The following DLGAP2 variants were observed in gnomAD, a reference collection of about 807,000 sequenced individuals.
The protein encoded by DLGAP2 is DLG associated protein 2.
In DLGAP2, 26 loss-of-function variants were observed where a neutral mutation model predicts 100.3. That is an observed-to-expected ratio of 0.26 (90% CI 0.19 to 0.36). DLGAP2 has a LOEUF of 0.36. DLGAP2 is among the 10% of genes least tolerant of loss of function. The pLI, the probability that DLGAP2 is intolerant of heterozygous loss-of-function variation, is 1.00. For synonymous variants in DLGAP2, 886 were observed against 630.1 expected, an observed-to-expected ratio of 1.41 and a Z score of -6.08; for missense variants, 1,858 against 1,453.2, an observed-to-expected ratio of 1.28 and a Z score of -4.53.
intron 2 of DLGAP2, among the ~76,000 whole-genome samples, chr8:967,415 C>T (rs556997719): frequency 4.7e-4 from 71 of 152,264 alleles, no homozygotes; most frequent in African/African-American, 1.7e-3. Flanking sequence ...TATTCTTACT[C>T]ATTTGATTCT....
At chr8:1,474,946 C>T (rs1798891919) in intron 3 of DLGAP2, among the ~76,000 whole-genome samples, 2 of 152,192 alleles carry the variant, frequency 1.3e-5, no homozygotes. Flanking sequence ...GACATCACAG[C>T]ACTATTCGCA....
At chr8:791,312 C>G (rs1822020687) in intron 1 of DLGAP2, among the ~76,000 whole-genome samples, 1 of 152,220 alleles carries the variant, frequency 6.6e-6, no homozygotes, top group Non-Finnish European at 1.5e-5. Flanking sequence ...GTGGCTCCCT[C>G]CACAGAGAAG....
At chr8:1,497,736 G>A (rs1239538318) in intron 3 of DLGAP2, among the ~76,000 whole-genome samples, 1 of 152,236 alleles carries the variant, frequency 6.6e-6, no homozygotes, top group Non-Finnish European at 1.5e-5. Flanking sequence ...GGGTGGGAAC[G>A]TGGTAGAAGT....
chr8:1,376,876 A>G (rs1471004198), intron 3 of DLGAP2, among the ~76,000 whole-genome samples: 1 of 152,330 alleles, frequency 6.6e-6, no homozygotes, highest in East Asian at 1.9e-4. Flanking sequence ...CGGGTAGGAA[A>G]TGGCCTCAGA....
At chr8:1,182,999 CTGGA>C (rs1797423781) in intron 2 of DLGAP2, among the ~76,000 whole-genome samples, 3 of 152,196 alleles carry the variant, frequency 2.0e-5, no homozygotes, top group Admixed American at 2.0e-4. Flanking sequence ...GGGCCAGTTC[CTGGA>C]AGTGTGTCAC....
intron 3 of DLGAP2, among the ~76,000 whole-genome samples, chr8:1,457,875 C>G (rs1342542635): frequency 6.6e-6 from 1 of 150,846 alleles, no homozygotes; most frequent in African/African-American, 2.4e-5. Context: ...ATTCTATTTT[C>G]AAGGGCATGC....
chr8:1,347,169 A>G (rs928031409), intron 3 of DLGAP2, among the ~76,000 whole-genome samples: 10 of 152,116 alleles, frequency 6.6e-5, no homozygotes, highest in Admixed American at 5.9e-4. Flanking sequence ...GTTCCTGTAC[A>G]GAGCTGCATT....
chr8:1,667,888 AATG>A (rs1191994983), intron 8 of DLGAP2, among the ~76,000 whole-genome samples: 1 of 138,284 alleles, frequency 7.2e-6, no homozygotes, highest in Non-Finnish European at 1.6e-5. Context: ...GGTATTTTTA[AATG>A]ATGCCATGCC....
intron 2 of DLGAP2, among the ~76,000 whole-genome samples, chr8:975,654 G>A (rs1476762064): frequency 6.6e-6 from 1 of 152,142 alleles, no homozygotes; most frequent in Non-Finnish European, 1.5e-5. Context: ...CTATAGTACA[G>A]CAAAAGCATT....
intron 2 of DLGAP2, among the ~76,000 whole-genome samples, chr8:1,252,466 G>A (rs2116884169): frequency 6.6e-6 from 1 of 152,352 alleles, no homozygotes; most frequent in South Asian, 2.1e-4. Context: ...TCACGTGCGT[G>A]TGTTGCGTTG....
intron 3 of DLGAP2, among the ~76,000 whole-genome samples, chr8:1,285,487 C>G (rs1224909662): frequency 2.0e-5 from 3 of 152,120 alleles, no homozygotes; most frequent in African/African-American, 7.2e-5. Flanking sequence ...GATGGAAGGC[C>G]TGTCTGGATT....
At chr8:1,217,659 G>C (rs139999596) in intron 2 of DLGAP2, among the ~76,000 whole-genome samples, 2 of 152,084 alleles carry the variant, frequency 1.3e-5, no homozygotes, top group Non-Finnish European at 2.9e-5. Flanking sequence ...TAACCTCCCT[G>C]GTTAGCTATA....
intron 2 of DLGAP2, among the ~76,000 whole-genome samples, chr8:1,110,088 C>CGGGTCTGTGAGGTGTGCAT (rs1328603731): frequency 9.4e-6 from 1 of 106,328 alleles, no homozygotes; most frequent in Non-Finnish European, 1.9e-5. Context: ...GAGGTGTGCA[C>CGGGTCTGTGAGGTGTGCAT]GGGTCTGTGA....
At chr8:1,494,051 C>T (rs1168755776) in intron 3 of DLGAP2, among the ~76,000 whole-genome samples, 1 of 151,712 alleles carries the variant, frequency 6.6e-6, no homozygotes, top group Non-Finnish European at 1.5e-5. Flanking sequence ...TCGGGGGGGG[C>T]AGTAGGATGA....
At chr8:1,635,171 T>A in intron 8 of DLGAP2, among the ~76,000 whole-genome samples, 1 of 152,350 alleles carries the variant, frequency 6.6e-6, no homozygotes, top group Middle Eastern at 3.4e-3. Flanking sequence ...ATATTAGTTA[T>A]TTAAATCTTT....
chr8:1,039,382 C>G (rs2129029789), intron 2 of DLGAP2, among the ~76,000 whole-genome samples: 1 of 149,508 alleles, frequency 6.7e-6, no homozygotes, highest in African/African-American at 2.5e-5. Flanking sequence ...GCATGGTCAG[C>G]TCGGTTTCCG....
intron 4 of DLGAP2, among the ~76,000 whole-genome samples, chr8:1,513,355 G>T (rs1800244220): frequency 6.6e-6 from 1 of 151,810 alleles, no homozygotes; most frequent in Admixed American, 6.6e-5. Flanking sequence ...GGGAGGCTCG[G>T]TGGGATACGC....
chr8:1,166,915 G>C (rs1168359091), intron 2 of DLGAP2, among the ~76,000 whole-genome samples: 5 of 152,178 alleles, frequency 3.3e-5, no homozygotes, highest in Non-Finnish European at 7.3e-5. Flanking sequence ...GGGAGGCCAA[G>C]GTGAGAGGAC....
intron 3 of DLGAP2, among the ~76,000 whole-genome samples, chr8:1,310,212 C>G (rs893157987): frequency 6.6e-6 from 1 of 151,612 alleles, no homozygotes; most frequent in Non-Finnish European, 1.5e-5. Flanking sequence ...AAAGGGAAAT[C>G]AAAACAGTTA....
Sources: gnomAD v4.1 joint callset for allele counts (sites outside exome capture counted in the v4.1 genomes callset) on GRCh38, gnomAD v4.1.1 for gene constraint, MANE v1.5 for transcripts, NCBI Gene and HGNC (gene_info 2026-07-23, HGNC 2026-07-21) for gene names.